ANO2: variants seen among roughly 807,000 people sequenced by gnomAD.
ANO2 encodes the protein anoctamin-2.
In ANO2, 101 loss-of-function variants were observed where a neutral mutation model predicts 124.2. That is an observed-to-expected ratio of 0.81 (90% CI 0.69 to 0.96). The LOEUF (loss-of-function observed/expected upper bound fraction) is 0.96. ANO2 is among the 40% of genes least tolerant of loss of function. ANO2 has a pLI of 0.00. For synonymous variants in ANO2, 486 were observed against 482.5 expected (o/e 1.01, Z -0.09); for missense variants, 1,293 against 1,274.5 (o/e 1.01, Z -0.22).
chr12:5,704,622 G>T (rs769246140), intron 14 of ANO2, among the ~76,000 whole-genome samples: 2 of 152,002 alleles, frequency 1.3e-5, no homozygotes, highest in Non-Finnish European at 2.9e-5. Flanking sequence ...TTCCCTGAAG[G>T]CATTTGGACC....
intron 9 of ANO2, 117 bp from the exon 10 acceptor site, chr12:5,799,688 A>C (rs769827991): frequency 6.5e-4 from 577 of 882,564 alleles, no homozygotes; most frequent in Non-Finnish European, 9.1e-4. Context: ...AGAAATTCTC[A>C]TGAGACATCC....
intron 16 of ANO2, among the ~76,000 whole-genome samples, chr12:5,632,884 A>T (rs1328950775): frequency 6.6e-6 from 1 of 152,020 alleles, no homozygotes; most frequent in African/African-American, 2.4e-5. Context: ...CTGCCCGCAC[A>T]CTCAGCAATA....
At chr12:5,884,089 C>G (rs1332447378) in intron 3 of ANO2, among the ~76,000 whole-genome samples, 1 of 152,144 alleles carries the variant, frequency 6.6e-6, no homozygotes, top group Non-Finnish European at 1.5e-5. Context: ...TTCCTCCAGA[C>G]CCTGCACACT....
chr12:5,724,985 T>G (rs1425681660), intron 14 of ANO2, among the ~76,000 whole-genome samples: 3 of 152,130 alleles, frequency 2.0e-5, no homozygotes, highest in Admixed American at 1.3e-4. Context: ...TCTTTGCATC[T>G]TGACACAAAA....
At chr12:5,673,791 C>T (rs1289865926) in intron 14 of ANO2, among the ~76,000 whole-genome samples, 6 of 152,244 alleles carry the variant, frequency 3.9e-5, no homozygotes, top group Admixed American at 3.3e-4. Flanking sequence ...GCAGAAACAA[C>T]AGCTTCCTTT....
chr12:5,674,265 T>C (rs1483532291), intron 14 of ANO2, among the ~76,000 whole-genome samples: 1 of 152,112 alleles, frequency 6.6e-6, no homozygotes, highest in Non-Finnish European at 1.5e-5. Flanking sequence ...TAAAATAAAA[T>C]TGTCATGGGA....
At chr12:5,615,013 C>G (rs1287902126) in intron 17 of ANO2, among the ~76,000 whole-genome samples, 173 bp downstream of exon 17, 2 of 152,164 alleles carry the variant, frequency 1.3e-5, no homozygotes, top group African/African-American at 4.8e-5. Flanking sequence ...GATGCTAATT[C>G]AAAATGATTG....
intron 23 of ANO2, among the ~76,000 whole-genome samples, chr12:5,569,106 C>T (rs1941951600): frequency 6.6e-6 from 1 of 152,252 alleles, no homozygotes; most frequent in African/African-American, 2.4e-5. Flanking sequence ...CATGTAAGCA[C>T]TAAATGCTGC....
chr12:5,632,115 G>A (rs1202560019), intron 16 of ANO2, among the ~76,000 whole-genome samples: 1 of 152,112 alleles, frequency 6.6e-6, no homozygotes, highest in African/African-American at 2.4e-5. Context: ...CACAGCTCAG[G>A]GAGCAGAAGG....
chr12:5,709,036 C>A (rs145498126), intron 14 of ANO2, among the ~76,000 whole-genome samples: 2 of 152,344 alleles, frequency 1.3e-5, no homozygotes, highest in East Asian at 1.9e-4. Flanking sequence ...CAGTGGCTGG[C>A]ACATAGTAGG....
At chr12:5,727,685 T>A (rs1451511696) in intron 14 of ANO2, among the ~76,000 whole-genome samples, 6 of 145,286 alleles carry the variant, frequency 4.1e-5, no homozygotes, top group Non-Finnish European at 7.5e-5. Flanking sequence ...CCACCCAGGC[T>A]GGAGTGCAGT....
intron 7 of ANO2, among the ~76,000 whole-genome samples, chr12:5,817,396 T>C (rs1327417939): frequency 6.6e-6 from 1 of 152,034 alleles, no homozygotes; most frequent in African/African-American, 2.4e-5. Flanking sequence ...ATCAACTGAG[T>C]AGAATGTGTG....
At chr12:5,859,949 G>A (rs1445427746) in intron 3 of ANO2, among the ~76,000 whole-genome samples, 1 of 152,082 alleles carries the variant, frequency 6.6e-6, no homozygotes, top group African/African-American at 2.4e-5. Context: ...TCTTGAACCT[G>A]TGCCCTGCCC....
intron 3 of ANO2, among the ~76,000 whole-genome samples, chr12:5,883,502 GGTGTGTGTGT>G (rs5796191): frequency 9.7e-5 from 14 of 144,692 alleles, no homozygotes; most frequent in Non-Finnish European, 1.5e-4. Context: ...ACATTAGGGT[GGTGTGTGTGT>G]GTGTGTGTGT....
At chr12:5,695,009 T>A (rs1180798316) in intron 14 of ANO2, among the ~76,000 whole-genome samples, 1 of 152,142 alleles carries the variant, frequency 6.6e-6, no homozygotes, top group Non-Finnish European at 1.5e-5. Flanking sequence ...CCGTGTCTGG[T>A]GCATACTTAA....
Position 5,674,112 on chromosome 12 carries a change from C to T in ANO2, c.1546-26311G>A, listed in dbSNP as rs1948128086. ...CAGTCACATGCAAAAGAGGGTGATC[C>T]CATAGAGAAAAAAATATTTAGCTAA... On this transcript the variant is annotated intron_variant, in intron 14 of 24. Coordinates refer to ENST00000682330, the MANE Select transcript of ANO2 (RefSeq NM_001364791.2). Among the ~76,000 whole-genome samples, 3 of 152,008 alleles carry T rather than the reference C, an allele frequency of 2.0e-5. No homozygotes were observed. The South Asian group carries it at 6.2e-4, about 32-fold the overall frequency.
chr12:5,654,203 A>T (rs1007592648), intron 14 of ANO2, among the ~76,000 whole-genome samples: 2 of 152,216 alleles, frequency 1.3e-5, no homozygotes, highest in Non-Finnish European at 2.9e-5. Flanking sequence ...CCTGAAGTAC[A>T]GGAGGAGAGG....
chr12:5,943,088 A>G (rs959968704), intron 1 of ANO2, among the ~76,000 whole-genome samples: 4 of 152,238 alleles, frequency 2.6e-5, no homozygotes, highest in Non-Finnish European at 2.9e-5. Context: ...GTAGAACACC[A>G]TTAGATCCAG....
chr12:5,913,414 C>T (rs765779290), intron 3 of ANO2, among the ~76,000 whole-genome samples: 12 of 152,220 alleles, frequency 7.9e-5, no homozygotes, highest in Non-Finnish European at 1.5e-4. Context: ...GGGCAAAAAG[C>T]CCAGAGTCCA....
Sources: gnomAD v4.1 joint callset for allele counts (sites outside exome capture counted in the v4.1 genomes callset) on GRCh38, gnomAD v4.1.1 for gene constraint, MANE v1.5 for transcripts, NCBI Gene and HGNC (gene_info 2026-07-23, HGNC 2026-07-21) for gene names.